Variants in DHRS2 observed in about 807,000 individuals in gnomAD.
DHRS2 encodes dehydrogenase/reductase 2.
Under a neutral mutation model 26.3 loss-of-function variants are expected in DHRS2, and 29 were observed. That is an observed-to-expected ratio of 1.10 (90% CI 0.82 to 1.50). The LOEUF is 1.50. DHRS2 is among the 40% of genes most tolerant of loss of function. The pLI is 0.00. For synonymous variants in DHRS2, 164 were observed against 151.3 expected (o/e 1.08, Z -0.62); for missense variants, 439 against 367.1 (o/e 1.20, Z -1.60).
intron 4 of DHRS2, chr14:23,641,561 C>A: frequency 7.9e-7 from 1 of 1,264,572 alleles, no homozygotes; most frequent in Non-Finnish European, 1.0e-6. Context: ...CCTCACTCAG[C>A]CTGATGCACA....
chr14:23,645,004 A>G, intron 8 of DHRS2, 122 bp downstream of exon 8: 1 of 1,559,870 alleles, frequency 6.4e-7, no homozygotes, highest in Non-Finnish European at 8.8e-7. Context: ...TGGAGTCCAC[A>G]TGGCCCTGGA....
intron 1 of DHRS2, among the ~76,000 whole-genome samples, chr14:23,637,869 C>T (rs969739730): frequency 6.6e-6 from 1 of 152,152 alleles, no homozygotes; most frequent in Admixed American, 6.5e-5. Flanking sequence ...ATAAAACAGA[C>T]CAATCAGCTC....
chr14:23,639,877 T>G lies in DHRS2; in HGVS notation c.402T>G (p.Ser134Arg). The change falls in exon 4 of 9, where the codon AGT becomes AGG. Residue 134 changes from serine (S) to arginine (R), a missense_variant. Physicochemically the swap from Ser to Arg is moderately radical, Grantham distance 110. Coordinates refer to ENST00000250383, the MANE Select transcript of DHRS2 (RefSeq NM_005794.4). ...NPLVGSTLGTSEQIWDKILSV... is the reference protein window; with the variant it reads ...NPLVGSTLGTREQIWDKILSV... ...TGGTAGGGAGCACTCTGGGGACCAG[T>G]GAGCAGATCTGGGACAAGGTGAGAG... is the stretch of plus-strand genomic sequence containing the variant. The G allele has an allele frequency of 6.2e-7, 1 of 1,606,322 alleles. No individual in the cohort carries two copies. Among genetic ancestry groups the G allele is most frequent in the Non-Finnish European group, 8.5e-7 (1 of 1,176,162 alleles).
upstream of DHRS2, among the ~76,000 whole-genome samples, chr14:23,632,132 C>G (rs1890137389): frequency 6.6e-6 from 1 of 152,202 alleles, no homozygotes; most frequent in South Asian, 2.1e-4. Context: ...AGGGGGCGTC[C>G]TGTCCCGACA....
chr14:23,639,569 C>T (rs764312182), intron 3 of DHRS2, among the ~76,000 whole-genome samples: 1 of 152,112 alleles, frequency 6.6e-6, no homozygotes, highest in Non-Finnish European at 1.5e-5. Context: ...GGGAGAATCA[C>T]TGTGGAGGAG....
rs192184799 is a variant in DHRS2, at chr14:23,637,186, C to T, written c.-39+414C>T. On this transcript the variant is annotated intron_variant, in intron 1 of 8. Transcript: ENST00000250383. Reference sequence around the variant, plus strand: ...CTAATGCCTGCCAGACAAACTTTCTCTCTCCTCTCTTCTCCTAGGCTAGTC... The same window carrying T: ...CTAATGCCTGCCAGACAAACTTTCTTTCTCCTCTCTTCTCCTAGGCTAGTC... Among the ~76,000 whole-genome samples, 515 of 152,314 alleles carry T rather than the reference C, an allele frequency of 3.4e-3. 1 individual carries two copies. Among genetic ancestry groups the T allele is most frequent in the Middle Eastern group, 0.014 (4 of 294 alleles).
At position 23,639,363 on chromosome 14, in the gene DHRS2, G is replaced by T; in HGVS notation, c.318+7G>T. 1 of 1,559,398 alleles carries T rather than the reference G, an allele frequency of 6.4e-7. No homozygotes were observed. The highest frequency in any genetic ancestry group is 8.7e-7 in the Non-Finnish European group (1 of 1,155,036). ...GGAGCAGCTGGTGGCCAAGGTGAGG[G>T]GGCAGGCGGTGGAAGGACACAGAGA... On this transcript the variant is annotated splice_region_variant and intron_variant, in intron 3 of 8. Coordinates refer to ENST00000250383, the MANE Select transcript of DHRS2 (RefSeq NM_005794.4).
At chr14:23,643,796 C>T (rs1014982324) in intron 5 of DHRS2, 6 of 423,066 alleles carry the variant, frequency 1.4e-5, no homozygotes, top group Non-Finnish European at 2.2e-5. Context: ...TAGGCACTCA[C>T]CATCAGCCTT....
intron 2 of DHRS2, 46 bp from the exon 3 acceptor site, chr14:23,639,133 T>G (rs1222717329): frequency 1.0e-5 from 16 of 1,604,338 alleles, no homozygotes; most frequent in Non-Finnish European, 1.4e-5. Context: ...GGAAGGACAG[T>G]GGAGAGAGGC....
At chr14:23,635,041 T>C (rs1215003240), upstream of DHRS2, among the ~76,000 whole-genome samples, 1 of 152,184 alleles carries the variant, frequency 6.6e-6, no homozygotes, top group Non-Finnish European at 1.5e-5. Flanking sequence ...ACCTCTTTTC[T>C]TTATAAATTA....
chr14:23,637,546 C>A lies in DHRS2; in HGVS notation c.-39+774C>A, dbSNP rs145398098. 2.0e-5 allele frequency among the ~76,000 whole-genome samples: 3 copies of A among 152,168 alleles called. No individual in the cohort carries two copies. The East Asian group carries it at 5.8e-4, about 29-fold the overall frequency. ...TTCCCTCCCTCAGGTTACTCTTCTT[C>A]ATTTTTGGGGCATAACATCTTTATA... On this transcript the variant is annotated intron_variant, in intron 1 of 8. Coordinates refer to ENST00000250383, the MANE Select transcript of DHRS2 (RefSeq NM_005794.4).
At chr14:23,641,314 TGGG>T (rs1890656118) in intron 4 of DHRS2, 3 of 182,636 alleles carry the variant, frequency 1.6e-5, no homozygotes, top group Non-Finnish European at 3.5e-5. Flanking sequence ...TCCAGCAGGT[TGGG>T]AAACCTCTGA....
At chr14:23,638,330 C>T (rs577200685) in intron 1 of DHRS2, 37 of 169,328 alleles carry the variant, frequency 2.2e-4, no homozygotes, top group Non-Finnish European at 3.2e-4. Flanking sequence ...CTGTAACACT[C>T]ATTGCGAGGG....
At chr14:23,636,321 TG>T (rs1180458440), upstream of DHRS2, 1 of 152,026 alleles carries the variant, frequency 6.6e-6, no homozygotes, top group Non-Finnish European at 1.5e-5. Context: ...GATGTGGGTG[TG>T]GCCAGTTAAG....
At chr14:23,640,470 G>A (rs1483308692) in intron 4 of DHRS2, 7 of 983,926 alleles carry the variant, frequency 7.1e-6, no homozygotes, top group Non-Finnish European at 8.4e-6. Flanking sequence ...TGTCCACAAG[G>A]GACCGGGAGA....
intron 5 of DHRS2, 130 bp downstream of exon 5, chr14:23,643,349 C>G: frequency 1.3e-6 from 1 of 792,150 alleles, no homozygotes; most frequent in Non-Finnish European, 2.1e-6. Context: ...CCCTCATCTT[C>G]TTGTCCTGCC....
intron 1 of DHRS2, among the ~76,000 whole-genome samples, chr14:23,637,318 GGC>G (rs1890363137): frequency 1.3e-5 from 2 of 152,082 alleles, no homozygotes; most frequent in African/African-American, 4.8e-5. Flanking sequence ...TAGGCACCTG[GGC>G]TCACCAATCA....
At chr14:23,644,231 C>A in intron 6 of DHRS2, 69 bp downstream of exon 6, 1 of 1,586,252 alleles carries the variant, frequency 6.3e-7, no homozygotes, top group Non-Finnish European at 8.7e-7. Context: ...TTCCTCAGAG[C>A]CTTACAGACA....
At chr14:23,645,049 C>T (rs1188007029) in intron 8 of DHRS2, 93 bp from the exon 9 acceptor site, 4 of 1,592,764 alleles carry the variant, frequency 2.5e-6, no homozygotes, top group Non-Finnish European at 2.6e-6. Context: ...CACCTTGTTC[C>T]CCATGGAGCC....
Sources: gnomAD v4.1 joint callset for allele counts (sites outside exome capture counted in the v4.1 genomes callset) on GRCh38, gnomAD v4.1.1 for gene constraint, MANE v1.5 for transcripts, NCBI Gene and HGNC (gene_info 2026-07-23, HGNC 2026-07-21) for gene names.